Variants in SREK1 observed in about 807,000 individuals in gnomAD.
The protein encoded by SREK1 is splicing regulatory glutamine/lysine-rich protein 1.
In SREK1, 13 loss-of-function variants were observed where a neutral mutation model predicts 66.5. The observed-to-expected ratio is 0.20, with a 90% CI of 0.13 to 0.31. The LOEUF is 0.31. Ranked by LOEUF, SREK1 falls within the 10% of genes least tolerant of loss-of-function variation. SREK1 has a pLI of 1.00. For missense variants in SREK1, 607 were observed against 769.6 expected (o/e 0.79, Z 2.50); for synonymous variants, 265 against 263.5 (o/e 1.01, Z -0.05).
chr5:66,164,427 T>G, intron 6 of SREK1: 1 of 497,856 alleles, frequency 2.0e-6, no homozygotes, highest in Non-Finnish European at 3.3e-6. Flanking sequence ...GGTTTACATT[T>G]GAGCAGATTT....
intron 1 of SREK1, among the ~76,000 whole-genome samples, chr5:66,150,991 G>A (rs962258803): frequency 6.6e-6 from 1 of 151,828 alleles, no homozygotes; most frequent in Admixed American, 6.6e-5. Flanking sequence ...CAGGTGTGTG[G>A]CACCACACCC....
intron 1 of SREK1, among the ~76,000 whole-genome samples, chr5:66,152,672 A>G (rs944047427): frequency 2.4e-4 from 36 of 152,206 alleles, no homozygotes; most frequent in Non-Finnish European, 1.0e-4. Flanking sequence ...CAGATTACGT[A>G]TGTACTTAGT....
chr5:66,175,901 ATTGT>A (rs1282252112), intron 10 of SREK1, among the ~76,000 whole-genome samples: 1 of 152,100 alleles, frequency 6.6e-6, no homozygotes, highest in Non-Finnish European at 1.5e-5. Flanking sequence ...CTTTTAAAAA[ATTGT>A]TTGTGAGACT....
chr5:66,176,794 G>C (rs1220709150), intron 10 of SREK1, among the ~76,000 whole-genome samples: 2 of 152,000 alleles, frequency 1.3e-5, no homozygotes, highest in Non-Finnish European at 2.9e-5. Context: ...GGTTAGGTTT[G>C]TACATAGGAA....
chr5:66,168,024 A>G (rs1404072643), intron 7 of SREK1: 1 of 152,090 alleles, frequency 6.6e-6, no homozygotes, highest in Non-Finnish European at 1.5e-5. Context: ...CAAGCTATGA[A>G]TTATCTTCTT....
At chr5:66,157,096 A>G (rs1315657490) in intron 2 of SREK1, 9 of 955,920 alleles carry the variant, frequency 9.4e-6, no homozygotes, top group Non-Finnish European at 1.2e-6. Flanking sequence ...GGTAATTAGA[A>G]TAAGTATATA....
intron 10 of SREK1, 102 bp downstream of exon 10, chr5:66,175,143 G>T: frequency 1.1e-6 from 1 of 922,752 alleles, no homozygotes; most frequent in South Asian, 1.8e-5. Flanking sequence ...TATTTTGAAT[G>T]AATAATACAT....
At chr5:66,164,057 G>T in intron 6 of SREK1, 135 bp downstream of exon 6, 1 of 1,068,694 alleles carries the variant, frequency 9.4e-7, no homozygotes. Flanking sequence ...GAAATAGTAA[G>T]TAGCATACTC....
rs56958757 is a variant in SREK1 at position 66,181,900 on chromosome 5, C to CGGGG, written c.*3042_*3045dup. The CGGGG allele has an allele frequency of 1.7e-5, 1 of 58,554 alleles. No homozygotes were observed. Among genetic ancestry groups the CGGGG allele is most frequent in the African/African-American group, 5.2e-5 (1 of 19,168 alleles). The allele number at this position is 58,554 out of a possible 1,614,324, so 3.6% of individuals were successfully genotyped here. On this transcript the variant is annotated 3_prime_UTR_variant, in exon 12 of 12. Transcript: ENST00000334121. ...GTTTATAATGAAAAGGTTTTTTTGT[C>CGGGG]GGGGGGGGGGGGGTCAAGAGAATTT...
chr5:66,147,445 A>G (rs76785599), intron 1 of SREK1, among the ~76,000 whole-genome samples: 20,918 of 152,170 alleles, frequency 0.14, 1,654 homozygotes, highest in Admixed American at 0.23. Flanking sequence ...TTACAAAGTA[A>G]ACATACCTAT....
intron 1 of SREK1, among the ~76,000 whole-genome samples, chr5:66,147,872 C>T (rs1045545535): frequency 6.7e-5 from 10 of 149,474 alleles, no homozygotes; most frequent in Non-Finnish European, 1.5e-4. Flanking sequence ...TGTAATATAG[C>T]GTAATCAAAG....
At chr5:66,176,427 C>T (rs893737171) in intron 10 of SREK1, among the ~76,000 whole-genome samples, 13 of 152,082 alleles carry the variant, frequency 8.5e-5, no homozygotes, top group African/African-American at 3.1e-4. Context: ...TATTTTTCTG[C>T]TTGAACATGA....
Position 66,149,142 on chromosome 5 carries a change from A to C in SREK1, c.162-4321A>C, listed in dbSNP as rs1292194198. Among the ~76,000 whole-genome samples, 3 of 152,208 alleles carry C rather than the reference A, an allele frequency of 2.0e-5. No homozygotes were observed. In the East Asian group the frequency reaches 5.8e-4, roughly 29 times the overall value. On this transcript the variant is annotated intron_variant, in intron 1 of 11. Transcript: ENST00000334121. The stretch of plus-strand genomic sequence containing the variant: ...GCCGAGGCAGGCGGATCACGAGGTC[A>C]GGAGTTCGAGACCTGTCTGGCCAAC...
chr5:66,162,000 T>C (rs1744812605), intron 3 of SREK1, 109 bp from the exon 4 acceptor site: 1 of 1,308,918 alleles, frequency 7.6e-7, no homozygotes, highest in African/African-American at 1.5e-5. Flanking sequence ...GTCCCTAGTC[T>C]CCTTTCATTC....
rs371771259 is a variant in SREK1 at position 66,170,081 on chromosome 5, A to G, written c.1032A>G (p.Arg344=). 17 of 1,610,974 alleles carry G rather than the reference A, an allele frequency of 1.1e-5. No individual in the cohort carries two copies. The African/African-American group carries it at 2.0e-4, about 19-fold the overall frequency. ...GATCCCATAATAGATCACGTTCAAG[A>G]CAGAAAGACAGACGTAGATCTAAGA... is the stretch of plus-strand genomic sequence containing the variant. ...RSRSHNRSRS[R]QKDRRRSKSP... The change falls in exon 8 of 12, where the codon AGA becomes AGG. Residue 344 remains arginine, a synonymous_variant. Coordinates refer to ENST00000334121, the MANE Select transcript of SREK1 (RefSeq NM_001077199.3).
intron 11 of SREK1, among the ~76,000 whole-genome samples, chr5:66,178,248 C>T (rs57556182): frequency 0.013 from 1,964 of 152,082 alleles, 44 homozygotes; most frequent in African/African-American, 0.045. Context: ...TAAGCATTTA[C>T]GATGTGCCGG....
chr5:66,167,224 C>T (rs1277491151), intron 7 of SREK1: 2 of 152,202 alleles, frequency 1.3e-5, no homozygotes, highest in Non-Finnish European at 2.9e-5. Context: ...GGTTTCTTGT[C>T]ACTGTGACCT....
At chr5:66,162,656 T>C in intron 5 of SREK1, 64 bp downstream of exon 5, 3 of 1,472,896 alleles carry the variant, frequency 2.0e-6, no homozygotes, top group Non-Finnish European at 2.7e-6. Flanking sequence ...TTTGATGTAA[T>C]GAAGGCTTTT....
chr5:66,161,329 C>T (rs1744743527), intron 3 of SREK1, among the ~76,000 whole-genome samples: 1 of 152,132 alleles, frequency 6.6e-6, no homozygotes, highest in Non-Finnish European at 1.5e-5. Context: ...AGTTGGAGCA[C>T]TTTTGTGGTC....
Sources: gnomAD v4.1 joint callset for allele counts (sites outside exome capture counted in the v4.1 genomes callset) on GRCh38, gnomAD v4.1.1 for gene constraint, MANE v1.5 for transcripts, NCBI Gene and HGNC (gene_info 2026-07-23, HGNC 2026-07-21) for gene names.